NUBPL: variants seen among roughly 807,000 people sequenced by gnomAD.
The protein encoded by NUBPL is NUBP iron-sulfur cluster assembly factor, mitochondrial, also known as iron-sulfur cluster transfer protein NUBPL.
Under a neutral mutation model 45.7 loss-of-function variants are expected in NUBPL, and 31 were observed. The ratio of observed to expected loss-of-function variants is 0.68; its 90% CI spans 0.51 to 0.92. The LOEUF (loss-of-function observed/expected upper bound fraction) is 0.92. NUBPL is among the 40% of genes least tolerant of loss of function. NUBPL has a pLI of 0.00. For synonymous variants in NUBPL, 144 were observed against 140.9 expected, an observed-to-expected ratio of 1.02 and a Z score of -0.15; for missense variants, 401 against 398.7, an observed-to-expected ratio of 1.01 and a Z score of -0.05.
At chr14:31,773,570 G>C (rs192720968) in intron 6 of NUBPL, among the ~76,000 whole-genome samples, 1 of 152,264 alleles carries the variant, frequency 6.6e-6, no homozygotes, top group East Asian at 1.9e-4. Flanking sequence ...GTTGAATAAC[G>C]ATCCTAGGAG....
At chr14:31,805,073 C>CAAA (rs138333095) in intron 7 of NUBPL, among the ~76,000 whole-genome samples, 112 of 149,514 alleles carry the variant, frequency 7.5e-4, no homozygotes, top group African/African-American at 2.6e-3. Flanking sequence ...ATTTACAAGA[C>CAAA]AAAAAAAAAC....
At chr14:31,783,214 C>T (rs538835944) in intron 6 of NUBPL, among the ~76,000 whole-genome samples, 149 of 152,234 alleles carry the variant, frequency 9.8e-4, no homozygotes, top group Non-Finnish European at 1.9e-3. Flanking sequence ...GAGGTGATGC[C>T]AGGAAGCATG....
At chr14:31,716,313 T>A (rs2037687276) in intron 6 of NUBPL, among the ~76,000 whole-genome samples, 1 of 152,244 alleles carries the variant, frequency 6.6e-6, no homozygotes, top group African/African-American at 2.4e-5. Context: ...ACCAGTGACA[T>A]GGTCCTTTAT....
At chr14:31,847,616 T>C (rs994751234) in intron 9 of NUBPL, among the ~76,000 whole-genome samples, 2 of 152,210 alleles carry the variant, frequency 1.3e-5, no homozygotes, top group African/African-American at 4.8e-5. Flanking sequence ...GTTTCTGTTC[T>C]TGCCAAAGGC....
At chr14:31,633,543 C>T (rs1246894477) in intron 4 of NUBPL, among the ~76,000 whole-genome samples, 2 of 152,102 alleles carry the variant, frequency 1.3e-5, no homozygotes, top group African/African-American at 4.8e-5. Flanking sequence ...AACATAAGAA[C>T]CAGGATCTTC....
At chr14:31,718,517 A>T (rs1190429936) in intron 6 of NUBPL, among the ~76,000 whole-genome samples, 4 of 152,218 alleles carry the variant, frequency 2.6e-5, no homozygotes, top group Non-Finnish European at 4.4e-5. Flanking sequence ...TTTTTAATAT[A>T]CATGTGGTTT....
At chr14:31,787,668 G>A in intron 6 of NUBPL, 112 bp from the exon 7 acceptor site, 2 of 745,264 alleles carry the variant, frequency 2.7e-6, no homozygotes, top group Middle Eastern at 3.6e-4. Context: ...ACCTAGCAAT[G>A]GCTCAAGCGA....
At chr14:31,737,334 G>T (rs545288623) in intron 6 of NUBPL, among the ~76,000 whole-genome samples, 1 of 152,198 alleles carries the variant, frequency 6.6e-6, no homozygotes, top group East Asian at 1.9e-4. Context: ...AAGTGTCAAG[G>T]TTAATTATAT....
At chr14:31,793,582 T>C (rs2039422064) in intron 7 of NUBPL, among the ~76,000 whole-genome samples, 1 of 152,182 alleles carries the variant, frequency 6.6e-6, no homozygotes, top group Non-Finnish European at 1.5e-5. Flanking sequence ...GGTGCCAAAC[T>C]CAGTGCCTTT....
intron 4 of NUBPL, among the ~76,000 whole-genome samples, chr14:31,611,186 G>C (rs890866141): frequency 1.3e-5 from 2 of 152,052 alleles, no homozygotes; most frequent in Non-Finnish European, 2.9e-5. Flanking sequence ...AAAACCTAAA[G>C]ACTCCACAAA....
chr14:31,821,268 A>T (rs952638351), intron 7 of NUBPL, among the ~76,000 whole-genome samples: 2 of 152,194 alleles, frequency 1.3e-5, no homozygotes. Flanking sequence ...AAATGGGAGA[A>T]AATATTTGCA....
intron 7 of NUBPL, among the ~76,000 whole-genome samples, chr14:31,818,788 T>C (rs1018983207): frequency 6.6e-5 from 10 of 152,356 alleles, no homozygotes; most frequent in African/African-American, 2.4e-4. Flanking sequence ...GACCTTGTGA[T>C]CTGCCTGCCT....
rs1555310880 is a variant in NUBPL at position 31,562,147 on chromosome 14, TAGA to T, written c.191_193del (p.Glu64del). ...CGAGGACTTCCAAAGCAGAAACCGA[TAGA>T]AGGTGTTAAACAAGTTATAGTTGTG... On this transcript the variant is annotated inframe_deletion, in exon 2 of 11. Coordinates refer to ENST00000281081, the MANE Select transcript of NUBPL (RefSeq NM_025152.3). The T allele has an allele frequency of 2.5e-6, 4 of 1,614,038 alleles. No homozygotes were observed. The highest frequency in any genetic ancestry group is 2.5e-6 in the Non-Finnish European group (3 of 1,179,924).
intron 4 of NUBPL, among the ~76,000 whole-genome samples, chr14:31,613,368 T>C (rs1293435370): frequency 6.6e-6 from 1 of 152,104 alleles, no homozygotes; most frequent in Non-Finnish European, 1.5e-5. Context: ...GAAGAATGAA[T>C]AGATGAACTA....
chr14:31,815,289 C>G (rs1486195702), intron 7 of NUBPL, among the ~76,000 whole-genome samples: 1 of 151,830 alleles, frequency 6.6e-6, no homozygotes, highest in Non-Finnish European at 1.5e-5. Context: ...GTATTTTATT[C>G]TCTTTGTAGC....
chr14:31,627,575 G>A (rs933365102), intron 4 of NUBPL, among the ~76,000 whole-genome samples: 1 of 151,796 alleles, frequency 6.6e-6, no homozygotes, highest in Non-Finnish European at 1.5e-5. Context: ...TCAGGAGATC[G>A]AGACCACAGT....
At chr14:31,658,960 C>A (rs948694561) in intron 4 of NUBPL, among the ~76,000 whole-genome samples, 2 of 152,078 alleles carry the variant, frequency 1.3e-5, no homozygotes, top group African/African-American at 4.8e-5. Flanking sequence ...GATAAATAAT[C>A]ATAGAGGATA....
At chr14:31,766,073 G>A (rs1348163911) in intron 6 of NUBPL, among the ~76,000 whole-genome samples, 1 of 152,130 alleles carries the variant, frequency 6.6e-6, no homozygotes, top group Non-Finnish European at 1.5e-5. Flanking sequence ...AAAAAAAGCA[G>A]GGTAGCAAAT....
chr14:31,808,469 G>A (rs1314146968), intron 7 of NUBPL, among the ~76,000 whole-genome samples: 1 of 152,142 alleles, frequency 6.6e-6, no homozygotes, highest in Non-Finnish European at 1.5e-5. Flanking sequence ...CATTGATTTT[G>A]TATCCTGAGA....
Sources: gnomAD v4.1 joint callset for allele counts (sites outside exome capture counted in the v4.1 genomes callset) on GRCh38, gnomAD v4.1.1 for gene constraint, MANE v1.5 for transcripts, NCBI Gene and HGNC (gene_info 2026-07-23, HGNC 2026-07-21) for gene names.